The following MEF2C variants were observed in gnomAD, a reference collection of about 807,000 sequenced individuals.
MEF2C encodes the protein myocyte-specific enhancer factor 2C.
A neutral mutation model predicts 50.5 loss-of-function variants in MEF2C; 6 were observed. The ratio of observed to expected loss-of-function variants is 0.12; its 90% CI spans 0.07 to 0.23. MEF2C has a LOEUF of 0.23. Among genes scored for constraint, MEF2C ranks in the 10% least tolerant of loss-of-function variants. The pLI, the probability that MEF2C is intolerant of heterozygous loss-of-function variation, is 1.00. For missense variants in MEF2C, 276 were observed against 605.0 expected, an observed-to-expected ratio of 0.46 and a Z score of 5.70; for synonymous variants, 183 against 228.0, an observed-to-expected ratio of 0.80 and a Z score of 1.78.
At chr5:88,801,068 T>G (rs980926230) in intron 3 of MEF2C, among the ~76,000 whole-genome samples, 9 of 152,008 alleles carry the variant, frequency 5.9e-5, no homozygotes, top group Non-Finnish European at 1.0e-4. Flanking sequence ...CACTGCACAA[T>G]TTCCTATGAC....
chr5:88,804,210 G>C (rs748259800), intron 3 of MEF2C, among the ~76,000 whole-genome samples: 48 of 152,216 alleles, frequency 3.2e-4, no homozygotes, highest in Admixed American at 1.2e-3. Flanking sequence ...GATGATGCCG[G>C]GAAACTATTA....
At chr5:88,874,233 T>A (rs528372432) in intron 1 of MEF2C, among the ~76,000 whole-genome samples, 2 of 152,098 alleles carry the variant, frequency 1.3e-5, no homozygotes, top group East Asian at 3.9e-4. Context: ...TAGCGAATTT[T>A]CTATTTTAAA....
At chr5:88,844,714 T>G in intron 1 of MEF2C, 1 of 365,012 alleles carries the variant, frequency 2.7e-6, no homozygotes, top group Non-Finnish European at 3.8e-6. Context: ...CTTTTCCTCA[T>G]GGTTAAAATT....
chr5:88,729,256 C>T lies in MEF2C; in HGVS notation c.926G>A (p.Gly309Glu), dbSNP rs1760331514. The T allele has an allele frequency of 1.2e-6, 2 of 1,613,158 alleles. No homozygotes were observed. Among genetic ancestry groups the T allele is most frequent in the Admixed American group, 1.7e-5 (1 of 59,912 alleles). Reference protein sequence around the residue: ...ATPTLPGQGMGGYPSAISTTY... With the variant: ...ATPTLPGQGMEGYPSAISTTY... The stretch of plus-strand genomic sequence containing the variant: ...TGTTGAAATGGCTGATGGATATCCT[C>T]CCATTCCTTGTCCTGGTAAAGTAGG... The change falls in exon 9 of 11, where the codon GGA (glycine) becomes GAA (glutamate). Residue 309 changes from glycine (G) to glutamate (E), a missense_variant. Around this residue, in one of 2 missense-constraint regions of MEF2C, gnomAD observed 256 missense variants for 468.1 expected, o/e 0.55. Coordinates refer to ENST00000504921, the MANE Select transcript of MEF2C (RefSeq NM_002397.5).
chr5:88,786,355 C>G (rs1790880683), intron 3 of MEF2C, among the ~76,000 whole-genome samples: 1 of 152,144 alleles, frequency 6.6e-6, no homozygotes, highest in South Asian at 2.1e-4. Flanking sequence ...AATGATTAAA[C>G]TGCGAGAAAA....
intron 3 of MEF2C, among the ~76,000 whole-genome samples, chr5:88,802,693 CCCA>C (rs1305155945): frequency 6.6e-6 from 1 of 152,216 alleles, no homozygotes; most frequent in Non-Finnish European, 1.5e-5. Flanking sequence ...AGGCAATCTG[CCCA>C]CCTAGGCCTC....
chr5:88,896,722 C>A (rs1835155294), intron 1 of MEF2C, among the ~76,000 whole-genome samples: 1 of 152,192 alleles, frequency 6.6e-6, no homozygotes, highest in Non-Finnish European at 1.5e-5. Context: ...TTGAACACTA[C>A]TAAAGTAAGA....
intron 3 of MEF2C, among the ~76,000 whole-genome samples, chr5:88,786,729 T>G (rs149465651): frequency 1.8e-4 from 28 of 152,350 alleles, no homozygotes; most frequent in African/African-American, 6.7e-4. Context: ...GCATTTAATG[T>G]CCATATATCA....
chr5:88,771,168 G>T (rs1782241127), intron 3 of MEF2C, among the ~76,000 whole-genome samples: 1 of 152,156 alleles, frequency 6.6e-6, no homozygotes, highest in African/African-American at 2.4e-5. Flanking sequence ...TTCCCACTGG[G>T]TCCCTCCCAT....
At chr5:88,898,475 T>C (rs1835331342) in intron 1 of MEF2C, among the ~76,000 whole-genome samples, 1 of 152,144 alleles carries the variant, frequency 6.6e-6, no homozygotes, top group Non-Finnish European at 1.5e-5. Context: ...GACTGCCACC[T>C]GCTGTGAGCC....
intron 6 of MEF2C, chr5:88,739,589 G>C: frequency 1.0e-6 from 1 of 984,808 alleles, no homozygotes; most frequent in Non-Finnish European, 1.2e-6. Context: ...TACTCTACTG[G>C]AAGTGACAGT....
At chr5:88,725,673 T>C (rs1758383999) in intron 10 of MEF2C, among the ~76,000 whole-genome samples, 1 of 152,150 alleles carries the variant, frequency 6.6e-6, no homozygotes, top group Non-Finnish European at 1.5e-5. Context: ...GGAAAACTCC[T>C]ACCCTTTCCC....
chr5:88,729,589 C>T (rs1289480907), intron 8 of MEF2C: 14 of 465,456 alleles, frequency 3.0e-5, no homozygotes, highest in South Asian at 1.6e-4. Flanking sequence ...GTAACAAGTA[C>T]CATAGCTTTA....
At chr5:88,773,673 A>G (rs1488397453) in intron 3 of MEF2C, among the ~76,000 whole-genome samples, 3 of 152,160 alleles carry the variant, frequency 2.0e-5, no homozygotes, top group Non-Finnish European at 4.4e-5. Context: ...GACTAATGGT[A>G]AGGACAGCCT....
chr5:88,817,216 A>T (rs1488161901), intron 2 of MEF2C, among the ~76,000 whole-genome samples: 1 of 152,026 alleles, frequency 6.6e-6, no homozygotes, highest in Non-Finnish European at 1.5e-5. Flanking sequence ...GGTTATTAAG[A>T]TGTAACTCCC....
intron 3 of MEF2C, chr5:88,780,926 G>C: frequency 1.0e-6 from 1 of 985,110 alleles, no homozygotes; most frequent in Non-Finnish European, 1.2e-6. Flanking sequence ...TAGTTCAAAG[G>C]GGACACCAGG....
intron 1 of MEF2C, among the ~76,000 whole-genome samples, chr5:88,880,115 T>C (rs1832356118): frequency 6.6e-6 from 1 of 152,152 alleles, no homozygotes; most frequent in African/African-American, 2.4e-5. Flanking sequence ...TCTTTCCACA[T>C]GCAGCATACT....
At chr5:88,852,372 G>A (rs1279135441) in intron 1 of MEF2C, among the ~76,000 whole-genome samples, 15 of 152,188 alleles carry the variant, frequency 9.9e-5, no homozygotes, top group Non-Finnish European at 2.2e-4. Flanking sequence ...AAGGTAGTCA[G>A]AATTGCACTC....
intron 4 of MEF2C, among the ~76,000 whole-genome samples, chr5:88,753,759 T>C (rs1355348666): frequency 6.6e-6 from 1 of 152,180 alleles, no homozygotes; most frequent in Non-Finnish European, 1.5e-5. Flanking sequence ...CAGTCTTTAT[T>C]AGGATTTATC....
Sources: gnomAD v4.1 joint callset for allele counts (sites outside exome capture counted in the v4.1 genomes callset) on GRCh38, gnomAD v4.1.1 for gene constraint, gnomAD v4.1.1 regional missense constraint, MANE v1.5 for transcripts, NCBI Gene and HGNC (gene_info 2026-07-23, HGNC 2026-07-21) for gene names.